MAPK4: variants seen among roughly 807,000 people sequenced by gnomAD.
The protein encoded by MAPK4 is Erk3-related.
MAPK4 carries 22 observed loss-of-function variants against 47.7 expected under a neutral mutation model. The ratio of observed to expected loss-of-function variants is 0.46; its 90% CI spans 0.33 to 0.66. MAPK4 has a LOEUF of 0.66. Ranked by LOEUF, MAPK4 falls within the 30% of genes least tolerant of loss-of-function variation. MAPK4 has a pLI of 0.02. For synonymous variants in MAPK4, 390 were observed against 365.7 expected (o/e 1.07, Z -0.76); for missense variants, 736 against 831.7 (o/e 0.88, Z 1.42).
intron 1 of MAPK4, among the ~76,000 whole-genome samples, chr18:50,643,294 C>T (rs2042956542): frequency 6.6e-6 from 1 of 152,228 alleles, no homozygotes; most frequent in African/African-American, 2.4e-5. Context: ...AGGCGGATCA[C>T]TCAAGGTCAG....
intron 1 of MAPK4, among the ~76,000 whole-genome samples, chr18:50,612,658 C>T (rs1299580591): frequency 6.6e-6 from 1 of 152,192 alleles, no homozygotes; most frequent in Non-Finnish European, 1.5e-5. Context: ...TCTAAGAAGA[C>T]AGGATTGGGG....
chr18:50,638,849 G>T (rs1156793872), intron 1 of MAPK4, among the ~76,000 whole-genome samples: 2 of 152,140 alleles, frequency 1.3e-5, no homozygotes, highest in Non-Finnish European at 2.9e-5. Flanking sequence ...CCTCTATATT[G>T]CCCTGAGAAG....
chr18:50,646,988 C>T (rs2144196876), intron 1 of MAPK4, among the ~76,000 whole-genome samples: 1 of 152,336 alleles, frequency 6.6e-6, no homozygotes, highest in East Asian at 1.9e-4. Context: ...TGATCATCTG[C>T]AGTCACAATT....
rs767382743 is a variant in MAPK4 at position 50,729,454 on chromosome 18, A to G, written c.1364A>G (p.Lys455Arg). Residue 455 changes from lysine to arginine, a missense_variant, in exon 6 of 6, where the codon AAG (lysine) becomes AGG (arginine). By Grantham distance (26) the Lys-to-Arg change is conservative. Around this residue, in one of 3 missense-constraint regions of MAPK4, gnomAD observed 377 missense variants for 378.6 expected, o/e 1.00. Coordinates refer to ENST00000400384, the MANE Select transcript of MAPK4 (RefSeq NM_002747.4). Reference sequence around the variant, plus strand: ...AAGCCGCACCACTACTCGGAGCCCAAGCTCATCCTGGACCTGTCGCACTGG... The same window carrying G: ...AAGCCGCACCACTACTCGGAGCCCAGGCTCATCCTGGACCTGTCGCACTGG... ...DNKPHHYSEP[K>R]LILDLSHWKQ... The G allele has an allele frequency of 1.2e-5, 19 of 1,524,830 alleles. No individual in the cohort carries two copies. Among genetic ancestry groups the G allele is most frequent in the Non-Finnish European group, 1.3e-5 (15 of 1,130,860 alleles). 94.5% of individuals were successfully genotyped at this position (1,524,830 alleles called of 1,614,324 possible). A position where few individuals can be genotyped will look rare whatever the true frequency, so the allele number is the denominator to read the frequency against.
intron 1 of MAPK4, among the ~76,000 whole-genome samples, chr18:50,616,669 AG>A (rs1349153283): frequency 6.6e-6 from 1 of 152,216 alleles, no homozygotes; most frequent in Non-Finnish European, 1.5e-5. Context: ...AGCCCCTGGC[AG>A]GTCACTGGTG....
rs1489743904 is a variant in MAPK4 at position 50,687,436 on chromosome 18, G to C, written c.546+22932G>C. On this transcript the variant is annotated intron_variant, in intron 2 of 5. Transcript: ENST00000400384. ...CTCTAGACATTGCCAAATATCCTTG[G>C]GGGCCCAAATTGCCCCCCAGTTGAA... 3.3e-5 allele frequency among the ~76,000 whole-genome samples: 5 copies of C among 152,292 alleles called. No individual in the cohort carries two copies. In the East Asian group the frequency reaches 7.7e-4, roughly 23 times the overall value.
intron 1 of MAPK4, among the ~76,000 whole-genome samples, chr18:50,628,293 A>G (rs910899499): frequency 1.3e-5 from 2 of 152,324 alleles, no homozygotes. Context: ...GCTGTTTCCA[A>G]ATCCAACATC....
At chr18:50,588,451 C>T (rs915530630) in intron 1 of MAPK4, among the ~76,000 whole-genome samples, 3 of 152,220 alleles carry the variant, frequency 2.0e-5, no homozygotes, top group Non-Finnish European at 4.4e-5. Flanking sequence ...AGACCCTGGG[C>T]TCAAAAGCCC....
chr18:50,589,258 TTA>T (rs927908152), intron 1 of MAPK4, among the ~76,000 whole-genome samples: 4 of 152,152 alleles, frequency 2.6e-5, no homozygotes, highest in Non-Finnish European at 5.9e-5. Context: ...ATACAGGCAT[TTA>T]TGGATACAGA....
intron 1 of MAPK4, among the ~76,000 whole-genome samples, chr18:50,561,919 A>G (rs1160289772): frequency 6.6e-6 from 1 of 152,224 alleles, no homozygotes; most frequent in East Asian, 1.9e-4. Context: ...CAAAGCCCTA[A>G]TGCTCAAAGG....
chr18:50,576,548 G>A (rs1418502960), intron 1 of MAPK4, among the ~76,000 whole-genome samples: 1 of 152,152 alleles, frequency 6.6e-6, no homozygotes, highest in Non-Finnish European at 1.5e-5. Flanking sequence ...TGCTTATTAT[G>A]TGGGTGGCAA....
intron 1 of MAPK4, among the ~76,000 whole-genome samples, chr18:50,661,309 T>G (rs1285389043): frequency 6.6e-6 from 1 of 152,188 alleles, no homozygotes; most frequent in African/African-American, 2.4e-5. Flanking sequence ...GGCTCTTTGA[T>G]TCCCCTGAGT....
chr18:50,662,307 T>C (rs531972244), intron 1 of MAPK4, among the ~76,000 whole-genome samples: 3 of 152,282 alleles, frequency 2.0e-5, no homozygotes, highest in Admixed American at 2.0e-4. Context: ...TTTTGCAGGG[T>C]TTTTCCTCCC....
At chr18:50,592,435 T>A (rs9304401) in intron 1 of MAPK4, among the ~76,000 whole-genome samples, 2,842 of 152,258 alleles carry the variant, frequency 0.019, 112 homozygotes, top group African/African-American at 0.065. Flanking sequence ...CTCGCTAGGA[T>A]CTTTGATAGA....
intron 2 of MAPK4, among the ~76,000 whole-genome samples, chr18:50,702,571 C>A (rs891204724): frequency 6.6e-6 from 1 of 152,072 alleles, no homozygotes; most frequent in Non-Finnish European, 1.5e-5. Context: ...TGCTGCAGTT[C>A]CTTTTCTGAT....
intron 3 of MAPK4, among the ~76,000 whole-genome samples, chr18:50,717,363 T>C (rs1020947530): frequency 6.6e-6 from 1 of 152,092 alleles, no homozygotes; most frequent in African/African-American, 2.4e-5. Flanking sequence ...ATGACTGCAG[T>C]GTGGCCCAGG....
rs1380034123 is a variant in MAPK4, at chr18:50,664,558, C to T, written c.546+54C>T. On this transcript the variant is annotated intron_variant, in intron 2 of 5. Coordinates refer to ENST00000400384, the MANE Select transcript of MAPK4 (RefSeq NM_002747.4). The surrounding 1 kb of genome is among the most constrained non-coding windows in gnomAD (Gnocchi z 6.0). ...GTGGTCCACAGAATCCCCAAGAATA[C>T]TTGCAGCATTCCCAAGCTATTCCTA... 7.9e-6 allele frequency: 12 copies of T among 1,521,934 alleles called. No homozygotes were observed. Among genetic ancestry groups the T allele is most frequent in the Non-Finnish European group, 9.8e-6 (11 of 1,126,174 alleles). The allele number at this position is 1,521,934 out of a possible 1,614,324, so 94.3% of individuals were successfully genotyped here. A position where few individuals can be genotyped will look rare whatever the true frequency, so the allele number is the denominator to read the frequency against.
Position 50,563,643 on chromosome 18 carries a change from C to CT in MAPK4, c.-871+3408dup, listed in dbSNP as rs573740864. ...ATCTTCTTCAAGGCCAAGAATGTGACTTTTTTTTCTCTCTGCATCCCTCCC... is the reference window on the plus strand; with the variant it reads ...ATCTTCTTCAAGGCCAAGAATGTGACTTTTTTTTTCTCTCTGCATCCCTCCC... On this transcript the variant is annotated intron_variant, in intron 1 of 5. Transcript: ENST00000400384. Among the ~76,000 whole-genome samples the CT allele has an allele frequency of 3.9e-5, 6 of 152,212 alleles. No homozygotes were observed. In the East Asian group the frequency reaches 5.8e-4, roughly 15 times the overall value.
Position 50,664,216 on chromosome 18 carries a change from C to G in MAPK4, c.258C>G (p.Pro86=), listed in dbSNP as rs768107488. ...NIVKVYEVLG[P]KGTDLQGELF... ...TCAAAGTGTACGAGGTGCTCGGTCC[C>G]AAGGGCACTGACCTGCAGGGTGAGC... The change falls in exon 2 of 6, where the codon CCC becomes CCG. Residue 86 remains proline (P), a synonymous_variant. Coordinates refer to ENST00000400384, the MANE Select transcript of MAPK4 (RefSeq NM_002747.4). The surrounding 1 kb of genome is among the most constrained non-coding windows in gnomAD (Gnocchi z 6.0). The G allele has an allele frequency of 3.7e-6, 6 of 1,613,924 alleles. No homozygotes were observed. The highest frequency in any genetic ancestry group is 5.1e-6 in the Non-Finnish European group (6 of 1,180,028).
Sources: allele counts gnomAD v4.1 joint callset (sites outside exome capture counted in the v4.1 genomes callset), GRCh38; gene constraint gnomAD v4.1.1; regional missense constraint gnomAD v4.1.1; non-coding constraint Gnocchi (gnomAD v3.1); transcripts MANE v1.5; gene names NCBI Gene and HGNC (gene_info 2026-07-23, HGNC 2026-07-21).